Variants in SERINC5 observed in about 807,000 individuals in gnomAD.
SERINC5 encodes the protein serine incorporator 5, also known as chromosome 5 open reading frame 12.
A neutral mutation model predicts 63.1 loss-of-function variants in SERINC5; 41 were observed. The observed-to-expected ratio is 0.65, with a 90% CI of 0.51 to 0.84. The LOEUF (loss-of-function observed/expected upper bound fraction) is 0.84. SERINC5 is among the 40% of genes least tolerant of loss of function. The pLI is 0.00. For synonymous variants in SERINC5, 222 were observed against 215.2 expected, an observed-to-expected ratio of 1.03 and a Z score of -0.28; for missense variants, 523 against 573.0, an observed-to-expected ratio of 0.91 and a Z score of 0.89.
At chr5:80,148,586 T>G (rs6882423) in intron 9 of SERINC5, among the ~76,000 whole-genome samples, 31,058 of 151,560 alleles carry the variant, frequency 0.2, 3,215 homozygotes, top group South Asian at 0.26. Flanking sequence ...GAAGACTGCT[T>G]AAGCCCATGA....
chr5:80,161,013 T>TACGTGTATATATGTACAC (rs1561380820), intron 7 of SERINC5, among the ~76,000 whole-genome samples: 2 of 147,440 alleles, frequency 1.4e-5, no homozygotes, highest in Non-Finnish European at 3.0e-5. Context: ...CGTGTATATA[T>TACGTGTATATATGTACAC]ACGTGTATAT....
chr5:80,203,940 A>G (rs907125180), intron 1 of SERINC5, among the ~76,000 whole-genome samples: 4 of 152,164 alleles, frequency 2.6e-5, no homozygotes, highest in African/African-American at 9.7e-5. Context: ...CCAATAGCCC[A>G]TGATTTAATC....
downstream of SERINC5, among the ~76,000 whole-genome samples, chr5:80,137,642 C>CAAAAAAAAAAAAAAAAA (rs57807742): frequency 3.8e-5 from 4 of 104,768 alleles, no homozygotes; most frequent in Non-Finnish European, 5.9e-5. Context: ...GACTCTAACT[C>CAAAAAAAAAAAAAAAAA]AAAAAAAAAA....
At chr5:80,136,131 G>A (rs1745160295), downstream of SERINC5, among the ~76,000 whole-genome samples, 1 of 152,138 alleles carries the variant, frequency 6.6e-6, no homozygotes, top group African/African-American at 2.4e-5. Context: ...GGGAGGCCAA[G>A]AGAGAAGGCT....
chr5:80,155,586 A>G (rs906536266), intron 8 of SERINC5, among the ~76,000 whole-genome samples: 3 of 149,968 alleles, frequency 2.0e-5, no homozygotes, highest in Non-Finnish European at 4.4e-5. Context: ...AAAAAAAAGG[A>G]AGAAAGAAGG....
At chr5:80,233,804 ACTTT>A (rs1161921140) in intron 1 of SERINC5, among the ~76,000 whole-genome samples, 3 of 109,608 alleles carry the variant, frequency 2.7e-5, no homozygotes. Flanking sequence ...TTCAACTTTT[ACTTT>A]TTTTTTTTTT....
chr5:80,121,258 G>A (rs1744533325), intron 11 of SERINC5, among the ~76,000 whole-genome samples: 1 of 152,176 alleles, frequency 6.6e-6, no homozygotes, highest in Non-Finnish European at 1.5e-5. Flanking sequence ...TCTACAGGCT[G>A]CACAAGCAAG....
At chr5:80,163,182 C>CT (rs1747056572) in intron 7 of SERINC5, among the ~76,000 whole-genome samples, 1 of 152,042 alleles carries the variant, frequency 6.6e-6, no homozygotes, top group African/African-American at 2.4e-5. Flanking sequence ...TGTATGTTGA[C>CT]TTTGTATACT....
intron 1 of SERINC5, among the ~76,000 whole-genome samples, chr5:80,216,372 T>G (rs999922356): frequency 2.0e-5 from 3 of 152,038 alleles, no homozygotes; most frequent in African/African-American, 7.2e-5. Flanking sequence ...GAGTTAGGGG[T>G]GAAAAGCAAG....
chr5:80,129,199 T>C (rs571750638), intron 11 of SERINC5: 1 of 152,372 alleles, frequency 6.6e-6, no homozygotes, highest in South Asian at 2.1e-4. Flanking sequence ...GACGTAATGG[T>C]AGGTAAACAT....
intron 1 of SERINC5, among the ~76,000 whole-genome samples, chr5:80,220,247 G>GA (rs756197553): frequency 3.3e-4 from 50 of 150,706 alleles, no homozygotes; most frequent in Non-Finnish European, 6.4e-4. Flanking sequence ...GAGAGAGATA[G>GA]AAACAAGTAA....
intron 11 of SERINC5, among the ~76,000 whole-genome samples, chr5:80,119,241 C>G (rs1206834982): frequency 6.6e-6 from 1 of 152,166 alleles, no homozygotes; most frequent in Non-Finnish European, 1.5e-5. Context: ...AGGTTTACCC[C>G]ACTAGTCTAC....
chr5:80,149,167 T>C (rs1237863968), intron 9 of SERINC5, among the ~76,000 whole-genome samples: 11 of 152,156 alleles, frequency 7.2e-5, no homozygotes, highest in African/African-American at 2.4e-4. Context: ...CTCTCTTAAA[T>C]CTAACTTGGA....
intron 2 of SERINC5, among the ~76,000 whole-genome samples, chr5:80,194,474 T>G (rs1749382948): frequency 6.6e-6 from 1 of 152,258 alleles, no homozygotes; most frequent in African/African-American, 2.4e-5. Flanking sequence ...TGATGATGTT[T>G]GTTTTAAAAA....
At chr5:80,174,127 A>C (rs995936386) in intron 5 of SERINC5, among the ~76,000 whole-genome samples, 23 of 151,946 alleles carry the variant, frequency 1.5e-4, no homozygotes, top group Admixed American at 4.6e-4. Context: ...TTGGGAGGCC[A>C]AGGCAGAAGG....
At chr5:80,242,974 T>C (rs1388819224) in intron 1 of SERINC5, among the ~76,000 whole-genome samples, 1 of 152,218 alleles carries the variant, frequency 6.6e-6, no homozygotes, top group Non-Finnish European at 1.5e-5. Context: ...CCTCTAGTTT[T>C]AGTAGGTCAG....
At chr5:80,234,349 GA>G (rs1751592835) in intron 1 of SERINC5, among the ~76,000 whole-genome samples, 1 of 152,068 alleles carries the variant, frequency 6.6e-6, no homozygotes, top group Non-Finnish European at 1.5e-5. Context: ...CTACACTTAA[GA>G]AAAATCTACA....
chr5:80,166,199 A>C (rs1747289945), intron 7 of SERINC5, among the ~76,000 whole-genome samples, 184 bp downstream of exon 7: 1 of 152,136 alleles, frequency 6.6e-6, no homozygotes, highest in Non-Finnish European at 1.5e-5. Context: ...GGTCTTATTC[A>C]TTCTTCCTAT....
At chr5:80,255,635 C>T (rs1327816592) in intron 1 of SERINC5, among the ~76,000 whole-genome samples, 1 of 152,244 alleles carries the variant, frequency 6.6e-6, no homozygotes, top group Non-Finnish European at 1.5e-5. Context: ...GAGCCCGGCA[C>T]GCCCCGCTCC....
Sources: allele counts gnomAD v4.1 joint callset (sites outside exome capture counted in the v4.1 genomes callset), GRCh38; gene constraint gnomAD v4.1.1; transcripts MANE v1.5; gene names NCBI Gene and HGNC (gene_info 2026-07-23, HGNC 2026-07-21).